Variants in BICD1 observed in about 807,000 individuals in gnomAD.
BICD1 encodes the protein protein bicaudal D homolog 1.
Under a neutral mutation model 92.5 loss-of-function variants are expected in BICD1, and 35 were observed. The ratio of observed to expected loss-of-function variants is 0.38; its 90% CI spans 0.29 to 0.50. BICD1 has a LOEUF of 0.50. Ranked by LOEUF, BICD1 falls within the 20% of genes least tolerant of loss-of-function variation. The probability of loss-of-function intolerance (pLI) is 0.93; values close to 1 mark genes in which losing one functional copy is unlikely to be tolerated. For missense variants in BICD1, 950 were observed against 1,189.8 expected, an observed-to-expected ratio of 0.80 and a Z score of 2.97; for synonymous variants, 429 against 465.1, an observed-to-expected ratio of 0.92 and a Z score of 1.00.
At chr12:32,344,062 A>G (rs2136290998) in intron 8 of BICD1, among the ~76,000 whole-genome samples, 1 of 152,358 alleles carries the variant, frequency 6.6e-6, no homozygotes, top group East Asian at 1.9e-4. Flanking sequence ...CTTGATATAC[A>G]ATGATATTCA....
chr12:32,307,033 A>G (rs1948249209), intron 4 of BICD1, among the ~76,000 whole-genome samples: 1 of 152,110 alleles, frequency 6.6e-6, no homozygotes, highest in African/African-American at 2.4e-5. Flanking sequence ...AAAGAAAAAG[A>G]AAAAAGAAAA....
intron 1 of BICD1, among the ~76,000 whole-genome samples, chr12:32,155,740 T>A (rs757747458): frequency 6.6e-6 from 1 of 152,206 alleles, no homozygotes; most frequent in African/African-American, 2.4e-5. Context: ...ATAAAAAAAA[T>A]TGGGAGCAAC....
rs1351938759 is a variant in BICD1 at position 32,337,230 on chromosome 12, C to G, written c.2253-269C>G. Among the ~76,000 whole-genome samples, 1 of 152,082 alleles carries G rather than the reference C, an allele frequency of 6.6e-6. No homozygotes were observed. Among genetic ancestry groups the G allele is most frequent in the Admixed American group, 6.6e-5 (1 of 15,264 alleles). ...CCACTGCACTCCAGCCTGGGCGATA[C>G]AGCGAGACTCAGTCTCAAAAAACAA... On this transcript the variant is annotated intron_variant, in intron 6 of 9. Coordinates refer to ENST00000652176, the MANE Select transcript of BICD1 (RefSeq NM_001714.4). The surrounding 1 kb of genome is among the most constrained non-coding windows in gnomAD (Gnocchi z 4.7).
At chr12:32,237,143 G>C (rs1484752757) in intron 2 of BICD1, among the ~76,000 whole-genome samples, 2 of 152,136 alleles carry the variant, frequency 1.3e-5, no homozygotes. Context: ...GCCTCCCAAA[G>C]TGCTGGGATT....
intron 2 of BICD1, among the ~76,000 whole-genome samples, chr12:32,265,888 A>C (rs1415807263): frequency 1.3e-5 from 2 of 152,198 alleles, no homozygotes; most frequent in Non-Finnish European, 2.9e-5. Flanking sequence ...AGAATTCTAA[A>C]GTATAAAGAA....
chr12:32,148,521 G>A (rs1479665257), intron 1 of BICD1, among the ~76,000 whole-genome samples: 5 of 152,012 alleles, frequency 3.3e-5, no homozygotes, highest in African/African-American at 4.8e-5. Context: ...GAGCGTCCTC[G>A]AGCCTGAATG....
At chr12:32,135,065 C>CCCTCCCCTTCCCCTCTCT (rs1942683302) in intron 1 of BICD1, among the ~76,000 whole-genome samples, 1 of 120,954 alleles carries the variant, frequency 8.3e-6, no homozygotes, top group Non-Finnish European at 1.7e-5. Context: ...CATTCCCCTC[C>CCCTCCCCTTCCCCTCTCT]CCTCCCCTTC....
intron 1 of BICD1, among the ~76,000 whole-genome samples, chr12:32,213,261 G>A (rs1027843598): frequency 6.6e-6 from 1 of 152,126 alleles, no homozygotes; most frequent in Non-Finnish European, 1.5e-5. Context: ...GAAGAGTCCC[G>A]ACCAGTGATT....
At chr12:32,332,175 A>T (rs1937906455) in intron 5 of BICD1, among the ~76,000 whole-genome samples, 1 of 152,116 alleles carries the variant, frequency 6.6e-6, no homozygotes, top group Admixed American at 6.5e-5. Context: ...AAATGATGAG[A>T]GCAAATAGAC....
At chr12:32,178,157 C>A (rs1944171916) in intron 1 of BICD1, among the ~76,000 whole-genome samples, 1 of 151,782 alleles carries the variant, frequency 6.6e-6, no homozygotes, top group Non-Finnish European at 1.5e-5. Context: ...TTAGTCAAAT[C>A]TTTAATTAGA....
intron 9 of BICD1, among the ~76,000 whole-genome samples, chr12:32,370,949 CT>C (rs1239725865): frequency 1.3e-5 from 2 of 152,164 alleles, no homozygotes; most frequent in African/African-American, 2.4e-5. Flanking sequence ...AGCAACCTTC[CT>C]GCCTCAGAAG....
At chr12:32,116,886 A>AT (rs201316554) in intron 1 of BICD1, among the ~76,000 whole-genome samples, 95 of 148,708 alleles carry the variant, frequency 6.4e-4, no homozygotes, top group Non-Finnish European at 1.1e-3. Context: ...GGCCTTCTAC[A>AT]TTTTTTTTTT....
intron 2 of BICD1, among the ~76,000 whole-genome samples, chr12:32,288,223 AT>A (rs34913740): frequency 0.27 from 29,783 of 108,558 alleles, 3,271 homozygotes; most frequent in Non-Finnish European, 0.34. Flanking sequence ...CCAAGTCCTA[AT>A]TTTTTTTTTT....
chr12:32,362,485 A>C (rs936735504), intron 8 of BICD1, among the ~76,000 whole-genome samples: 1 of 152,252 alleles, frequency 6.6e-6, no homozygotes, highest in Non-Finnish European at 1.5e-5. Context: ...TATTATTTTC[A>C]GCCACCTCTT....
intron 3 of BICD1, among the ~76,000 whole-genome samples, chr12:32,299,767 G>T (rs553132342): frequency 6.6e-6 from 1 of 152,306 alleles, no homozygotes; most frequent in African/African-American, 2.4e-5. Context: ...AGCCATGATT[G>T]TGCCACTGGA....
chr12:32,235,470 A>G (rs1020779156), intron 2 of BICD1, among the ~76,000 whole-genome samples: 3 of 150,356 alleles, frequency 2.0e-5, no homozygotes, highest in Admixed American at 1.3e-4. Flanking sequence ...CTTTATGGCT[A>G]TTTTTTTTTC....
chr12:32,239,049 G>A (rs1305199781), intron 2 of BICD1, among the ~76,000 whole-genome samples: 8 of 146,536 alleles, frequency 5.5e-5, no homozygotes, highest in Non-Finnish European at 7.5e-5. Context: ...GATCAAGACC[G>A]TGCTGGCTAA....
At chr12:32,116,420 C>T (rs184874333) in intron 1 of BICD1, among the ~76,000 whole-genome samples, 206 of 151,638 alleles carry the variant, frequency 1.4e-3, no homozygotes, top group African/African-American at 4.8e-3. Flanking sequence ...TATTTTAGCA[C>T]TTGTACTATG....
chr12:32,367,461 A>AT (rs1939566104), intron 8 of BICD1: 1 of 470,328 alleles, frequency 2.1e-6, no homozygotes, highest in South Asian at 3.6e-5. Context: ...TGTGTCACTA[A>AT]TTTTTTAATA....
Sources: allele counts gnomAD v4.1 joint callset (sites outside exome capture counted in the v4.1 genomes callset), GRCh38; gene constraint gnomAD v4.1.1; non-coding constraint Gnocchi (gnomAD v3.1); transcripts MANE v1.5; gene names NCBI Gene and HGNC (gene_info 2026-07-23, HGNC 2026-07-21).